The following FAM168A variants were observed in gnomAD, a reference collection of about 807,000 sequenced individuals.
FAM168A encodes protein FAM168A.
A neutral mutation model predicts 28.5 loss-of-function variants in FAM168A; 3 were observed. The ratio of observed to expected loss-of-function variants is 0.11; its 90% CI spans 0.05 to 0.27. The LOEUF is 0.27. FAM168A is among the 10% of genes least tolerant of loss of function. The pLI is 1.00. For missense variants in FAM168A, 222 were observed against 311.5 expected, an observed-to-expected ratio of 0.71 and a Z score of 2.16; for synonymous variants, 122 against 124.2, an observed-to-expected ratio of 0.98 and a Z score of 0.12.
intron 1 of FAM168A, among the ~76,000 whole-genome samples, chr11:73,519,937 C>A (rs1565281145): frequency 6.6e-6 from 1 of 151,782 alleles, no homozygotes; most frequent in Non-Finnish European, 1.5e-5. Context: ...GCTGAGACTA[C>A]AGGTAGTGAC....
intron 1 of FAM168A, among the ~76,000 whole-genome samples, chr11:73,596,108 T>TA (rs1565313252): frequency 6.6e-6 from 1 of 152,072 alleles, no homozygotes; most frequent in East Asian, 1.9e-4. Context: ...AAAGAGGGGG[T>TA]AAAAAAGGCC....
intron 1 of FAM168A, among the ~76,000 whole-genome samples, chr11:73,501,943 T>C (rs1855016820): frequency 6.6e-6 from 1 of 151,588 alleles, no homozygotes; most frequent in Admixed American, 6.6e-5. Context: ...CTATTAAAAG[T>C]ACAAAAAATT....
At chr11:73,430,666 A>G (rs1866972051) in intron 3 of FAM168A, 24 bp downstream of exon 3, 2 of 1,606,130 alleles carry the variant, frequency 1.2e-6, no homozygotes, top group South Asian at 2.2e-5. Flanking sequence ...TCCATTCGCC[A>G]CTGCTGTCCC....
intron 1 of FAM168A, among the ~76,000 whole-genome samples, chr11:73,566,252 T>A (rs1415897163): frequency 6.6e-6 from 1 of 152,242 alleles, no homozygotes. Context: ...ATTAAAGTTA[T>A]TCCTTTTCTA....
intron 1 of FAM168A, among the ~76,000 whole-genome samples, chr11:73,543,821 A>G (rs751276447): frequency 1.4e-4 from 21 of 152,188 alleles, no homozygotes; most frequent in Non-Finnish European, 2.9e-4. Context: ...GAAGGATATC[A>G]CCAAGCTAGG....
intron 1 of FAM168A, among the ~76,000 whole-genome samples, chr11:73,571,092 A>G (rs538640140): frequency 1.1e-3 from 172 of 152,334 alleles, no homozygotes; most frequent in African/African-American, 3.9e-3. Flanking sequence ...AGAAAAACTG[A>G]CATCCCCCTG....
rs564416384 is a variant in FAM168A at position 73,404,634 on chromosome 11, A to T, written c.*2129T>A. 6.6e-6 allele frequency: 1 copy of T among 152,288 alleles called. No individual in the cohort carries two copies. Among genetic ancestry groups the T allele is most frequent in the Admixed American group, 6.5e-5 (1 of 15,310 alleles). 9.4% of individuals were successfully genotyped at this position (152,288 alleles called of 1,614,324 possible). A position where few individuals can be genotyped will look rare whatever the true frequency, so the allele number is the denominator to read the frequency against. On this transcript the variant is annotated 3_prime_UTR_variant, in exon 8 of 8. Coordinates refer to ENST00000356467, the MANE Select transcript of FAM168A (RefSeq NM_015159.3). Reference sequence around the variant, plus strand: ...CAGAACAGATAATTTAGAACAGCTGAATTTTTTCTTACTGGTCCTAAAGTT... The same window carrying T: ...CAGAACAGATAATTTAGAACAGCTGTATTTTTTCTTACTGGTCCTAAAGTT...
intron 1 of FAM168A, among the ~76,000 whole-genome samples, chr11:73,546,751 T>C (rs577638241): frequency 4.0e-5 from 6 of 148,526 alleles, no homozygotes; most frequent in Non-Finnish European, 7.4e-5. Flanking sequence ...AAAAAAAAGC[T>C]AGCTGTGATG....
chr11:73,431,650 G>A (rs900870726), intron 2 of FAM168A, among the ~76,000 whole-genome samples: 5 of 152,140 alleles, frequency 3.3e-5, no homozygotes, highest in Admixed American at 1.3e-4. Context: ...CAACATCACT[G>A]AATGAGTAGT....
chr11:73,561,740 T>G (rs571420158), intron 1 of FAM168A, among the ~76,000 whole-genome samples: 23 of 152,268 alleles, frequency 1.5e-4, no homozygotes, highest in African/African-American at 5.3e-4. Flanking sequence ...ACCAAGATCT[T>G]TATGAGGCCT....
At chr11:73,546,878 TGTTA>T (rs542086517) in intron 1 of FAM168A, among the ~76,000 whole-genome samples, 57 of 152,156 alleles carry the variant, frequency 3.7e-4, no homozygotes, top group Admixed American at 9.8e-4. Flanking sequence ...ATTTTACTGT[TGTTA>T]ATTTTAAAAT....
intron 1 of FAM168A, among the ~76,000 whole-genome samples, chr11:73,575,129 G>T (rs1944156127): frequency 6.6e-6 from 1 of 152,110 alleles, no homozygotes; most frequent in Admixed American, 6.5e-5. Context: ...CCCAATAAAT[G>T]GCAGTGCCAA....
chr11:73,448,336 A>G (rs1330741811), intron 2 of FAM168A, among the ~76,000 whole-genome samples: 3 of 152,166 alleles, frequency 2.0e-5, no homozygotes, highest in Non-Finnish European at 4.4e-5. Flanking sequence ...GTGAGCCACC[A>G]CGCCCAGCCC....
At chr11:73,432,536 T>C (rs1293217451) in intron 2 of FAM168A, among the ~76,000 whole-genome samples, 5 of 152,198 alleles carry the variant, frequency 3.3e-5, no homozygotes, top group Non-Finnish European at 7.3e-5. Flanking sequence ...CGACTAACGA[T>C]ATTGAGCATT....
At chr11:73,476,430 GCAA>G (rs1477971161) in intron 1 of FAM168A, among the ~76,000 whole-genome samples, 1 of 83,074 alleles carries the variant, frequency 1.2e-5, no homozygotes, top group Non-Finnish European at 2.2e-5. Flanking sequence ...AAAAATCCCA[GCAA>G]CAACAACCTC....
At chr11:73,505,107 A>G (rs1427089316) in intron 1 of FAM168A, among the ~76,000 whole-genome samples, 1 of 151,270 alleles carries the variant, frequency 6.6e-6, no homozygotes, top group Non-Finnish European at 1.5e-5. Flanking sequence ...CGTTCTGCAC[A>G]TGTATCCCAT....
chr11:73,500,744 A>G (rs1854994554), intron 1 of FAM168A, among the ~76,000 whole-genome samples: 3 of 152,230 alleles, frequency 2.0e-5, no homozygotes, highest in Admixed American at 2.0e-4. Flanking sequence ...ACACCAAAAT[A>G]TAAAGACAAA....
intron 4 of FAM168A, among the ~76,000 whole-genome samples, chr11:73,418,164 T>C (rs1198687292): frequency 1.3e-5 from 2 of 152,194 alleles, no homozygotes; most frequent in African/African-American, 2.4e-5. Flanking sequence ...GAAAATGACA[T>C]TGGATGTTGA....
intron 1 of FAM168A, among the ~76,000 whole-genome samples, chr11:73,495,485 T>C (rs1037034455): frequency 2.0e-5 from 3 of 152,188 alleles, no homozygotes; most frequent in Non-Finnish European, 4.4e-5. Flanking sequence ...CCAATCTCCA[T>C]TGAAATCACT....
Sources: gnomAD v4.1 joint callset for allele counts (sites outside exome capture counted in the v4.1 genomes callset) on GRCh38, gnomAD v4.1.1 for gene constraint, MANE v1.5 for transcripts, NCBI Gene and HGNC (gene_info 2026-07-23, HGNC 2026-07-21) for gene names.